The following DISP2 variants were observed in gnomAD, a reference collection of about 807,000 sequenced individuals.
The protein encoded by DISP2 is protein dispatched homolog 2.
In DISP2, 59 loss-of-function variants were observed where a neutral mutation model predicts 95.5. That is an observed-to-expected ratio of 0.62 (90% confidence interval 0.50 to 0.77). The LOEUF (loss-of-function observed/expected upper bound fraction) is 0.77. Ranked by LOEUF, DISP2 falls within the 30% of genes least tolerant of loss-of-function variation. The pLI is 0.00. For missense variants in DISP2, 1,752 were observed against 1,854.6 expected (o/e 0.94, Z 1.02); for synonymous variants, 827 against 815.0 (o/e 1.01, Z -0.25).
rs1889551673 is a variant in DISP2, at chr15:40,368,322, G to A, written c.2210G>A (p.Gly737Asp). The A allele has an allele frequency of 1.9e-6, 3 of 1,603,796 alleles. No homozygotes were observed. Among genetic ancestry groups the A allele is most frequent in the Non-Finnish European group, 2.5e-6 (3 of 1,176,782 alleles). Reference sequence around the variant, plus strand: ...CTGCCCACGCTGCCGCCGCCCGGCGGCCAGGTCTTCCGGCCCAGCCACCCC... The same window carrying A: ...CTGCCCACGCTGCCGCCGCCCGGCGACCAGGTCTTCCGGCCCAGCCACCCC... ...LRLPTLPPPG[G>D]QVFRPSHPFE... The change falls in exon 8 of 8, where the codon GGC (glycine) becomes GAC (aspartate). Residue 737 changes from glycine (G) to aspartate (D), a missense_variant. Physicochemically the swap from Gly to Asp is moderately conservative, Grantham distance 94. Transcript: ENST00000267889.
At chr15:40,364,749 C>T (rs765444543) in intron 4 of DISP2, 89 bp from the exon 5 acceptor site, 238 of 1,439,326 alleles carry the variant, frequency 1.7e-4, no homozygotes, top group Non-Finnish European at 2.2e-4. Flanking sequence ...CTTCCCTGCT[C>T]TGAGGAGTCA....
At chr15:40,362,139 T>C (rs1889415394) in intron 1 of DISP2, among the ~76,000 whole-genome samples, 1 of 152,204 alleles carries the variant, frequency 6.6e-6, no homozygotes, top group South Asian at 2.1e-4. Flanking sequence ...GACAAGTTCC[T>C]TGGGGTGAGG....
At chr15:40,364,141 C>T (rs1181626830) in intron 2 of DISP2, 85 bp from the exon 3 acceptor site, 17 of 1,590,310 alleles carry the variant, frequency 1.1e-5, no homozygotes, top group Non-Finnish European at 2.6e-6. Flanking sequence ...CCCTCACCTA[C>T]CCACTCCCAC....
At position 40,370,597 on chromosome 15, in the gene DISP2, C is replaced by T. The variant is rs1194316640; in HGVS notation, c.*279C>T. On this transcript the variant is annotated 3_prime_UTR_variant, in exon 8 of 8. Transcript: ENST00000267889. ...CACAGCACCATCTAAGACCCCTCCT[C>T]TAGAAGTGGGGAAGGCCAGATGTGT... 1 of 647,384 alleles carries T rather than the reference C, an allele frequency of 1.5e-6. No homozygotes were observed. The highest frequency in any genetic ancestry group is 2.8e-6 in the Non-Finnish European group (1 of 353,416). The allele number at this position is 647,384 out of a possible 1,614,324, so 40.1% of individuals were successfully genotyped here. A position where few individuals can be genotyped will look rare whatever the true frequency, so the allele number is the denominator to read the frequency against.
At position 40,368,484 on chromosome 15, in the gene DISP2, G is replaced by A. The variant is rs1465849395; in HGVS notation, c.2372G>A (p.Ser791Asn). The change falls in exon 8 of 8, where the codon AGC becomes AAC. Residue 791 changes from serine to asparagine, a missense_variant. Physicochemically the swap from Ser to Asn is conservative, Grantham distance 46. This residue lies in a region of DISP2 where 732 missense variants were observed against 714.6 expected (regional missense o/e 1.02). Transcript: ENST00000267889. ...ACTGGCGACCCTCTGGACCCTCGTA[G>A]CAACAGCAGCCTGGTGAGGGACCCT... Reference protein sequence around the residue: ...VDTGDPLDPRSNSSLVRDPAF... With the variant: ...VDTGDPLDPRNNSSLVRDPAF... The A allele has an allele frequency of 6.2e-7, 1 of 1,608,748 alleles. No individual in the cohort carries two copies.
rs749862096 is a variant in DISP2, at chr15:40,369,415, C to T, written c.3303C>T (p.Gly1101=). ...TGATGGTCAAATGCGTCAGTTGTGG[C>T]TTTGCCAGCTTCTTCTTCCAATCTC... is the stretch of plus-strand genomic sequence containing the variant. The part of the protein sequence containing the change: ...ILMMVKCVSC[G]FASFFFQSLC... Residue 1101 remains glycine, a synonymous_variant, in exon 8 of 8, where the codon GGC becomes GGT. Coordinates refer to ENST00000267889, the MANE Select transcript of DISP2 (RefSeq NM_033510.3). 3 of 1,613,576 alleles carry T rather than the reference C, an allele frequency of 1.9e-6. No homozygotes were observed. In the Admixed American group the frequency reaches 5.0e-5, roughly 27 times the overall value.
In DISP2 at chr15:40,367,241, A is replaced by G; in HGVS notation, c.1129A>G (p.Ser377Gly). Residue 377 changes from serine (S) to glycine (G), a missense_variant, in exon 8 of 8, where the codon AGT becomes GGT. Transcript: ENST00000267889. ...TCGGACCTGTGCCCTCTACTACCACAGTGGCGCCTTGGTGCCCTCTTGTCT... is the reference window on the plus strand; with the variant it reads ...TCGGACCTGTGCCCTCTACTACCACGGTGGCGCCTTGGTGCCCTCTTGTCT... ...LLRTCALYYH[S>G]GALVPSCLGP... 6.2e-7 allele frequency: 1 copy of G among 1,613,920 alleles called. No individual in the cohort carries two copies. Among genetic ancestry groups the G allele is most frequent in the Non-Finnish European group, 8.5e-7 (1 of 1,179,972 alleles).
rs1471368511 is a variant in DISP2, at chr15:40,367,989, T to C, written c.1877T>C (p.Val626Ala). Residue 626 changes from valine (V) to alanine (A), a missense_variant, in exon 8 of 8, where the codon GTG becomes GCG. By Grantham distance (64) the Val-to-Ala change is moderately conservative. Around this residue, in one of 5 missense-constraint regions of DISP2, gnomAD observed 732 missense variants for 714.6 expected, o/e 1.02. Coordinates refer to ENST00000267889, the MANE Select transcript of DISP2 (RefSeq NM_033510.3). ...CTCGCCCTCTTCATGGGCACGGCTGTGCTGGTGCACCTGGCGCTCACGCTG... is the reference window on the plus strand; with the variant it reads ...CTCGCCCTCTTCATGGGCACGGCTGCGCTGGTGCACCTGGCGCTCACGCTG... ...RCLALFMGTA[V>A]LVHLALTLVW... 1.9e-6 allele frequency: 3 copies of C among 1,549,110 alleles called. No individual in the cohort carries two copies. Among genetic ancestry groups the C allele is most frequent in the Non-Finnish European group, 1.7e-6 (2 of 1,154,636 alleles).
chr15:40,369,253 C>A lies in DISP2; in HGVS notation c.3141C>A (p.Asp1047Glu). 1 of 1,613,896 alleles carries A rather than the reference C, an allele frequency of 6.2e-7. No homozygotes were observed. Among genetic ancestry groups the A allele is most frequent in the Non-Finnish European group, 8.5e-7 (1 of 1,180,042 alleles). The part of the protein sequence containing the change: ...CISYHLCPHP[D>E]RLSRVAFSLR... The stretch of plus-strand genomic sequence containing the variant: ...CCTATCACCTGTGCCCACACCCTGA[C>A]CGCCTGAGCCGTGTGGCCTTCTCTC... The change falls in exon 8 of 8, where the codon GAC (aspartate) becomes GAA (glutamate). Residue 1047 changes from aspartate (D) to glutamate (E), a missense_variant. Around this residue, in one of 5 missense-constraint regions of DISP2, gnomAD observed 317 missense variants for 394.9 expected, o/e 0.80. Coordinates refer to ENST00000267889, the MANE Select transcript of DISP2 (RefSeq NM_033510.3).
rs760524317 is a variant in DISP2 at position 40,368,638 on chromosome 15, G to A, written c.2526G>A (p.Gln842=). 1 of 1,609,544 alleles carries A rather than the reference G, an allele frequency of 6.2e-7. No homozygotes were observed. Among genetic ancestry groups the A allele is most frequent in the African/African-American group, 1.3e-5 (1 of 75,066 alleles). Residue 842 remains glutamine (Q), a synonymous_variant, in exon 8 of 8, where the codon CAG becomes CAA. Transcript: ENST00000267889. The part of the protein sequence containing the change: ...WPTLCFVETL[Q]RWMESPSCAR... The stretch of plus-strand genomic sequence containing the variant: ...CGCTGTGTTTCGTGGAGACCCTCCA[G>A]CGCTGGATGGAGAGCCCCAGCTGCG...
intron 1 of DISP2, among the ~76,000 whole-genome samples, chr15:40,358,720 T>TGC: frequency 6.6e-6 from 1 of 151,882 alleles, no homozygotes; most frequent in East Asian, 1.9e-4. Flanking sequence ...AGGCCAGGAC[T>TGC]CCCTGGCTCC....
At chr15:40,362,595 CTATAA>C (rs1490532749) in intron 1 of DISP2, among the ~76,000 whole-genome samples, 1 of 152,150 alleles carries the variant, frequency 6.6e-6, no homozygotes, top group Non-Finnish European at 1.5e-5. Context: ...CATAACGACT[CTATAA>C]TATAATATTC....
rs2141265157 is a variant in DISP2, at chr15:40,372,219, C to T, written c.*1901C>T. ...GCCTCTCCGGGTATCTGGGGAACCC[C>T]TCCGGCTCCTGGCAGCTTCACAGAA... On this transcript the variant is annotated 3_prime_UTR_variant, in exon 8 of 8. Coordinates refer to ENST00000267889, the MANE Select transcript of DISP2 (RefSeq NM_033510.3). 1 of 152,294 alleles carries T rather than the reference C, an allele frequency of 6.6e-6. No individual in the cohort carries two copies. The highest frequency in any genetic ancestry group is 2.1e-4 in the South Asian group (1 of 4,820). The allele number at this position is 152,294 out of a possible 1,614,324, so 9.4% of individuals were successfully genotyped here. A position where few individuals can be genotyped will look rare whatever the true frequency, so the allele number is the denominator to read the frequency against.
rs1325212405 is a variant in DISP2 at position 40,372,528 on chromosome 15, G to A, written c.*2210G>A. ...CTTTGCAAGATAAGTAAATCAAGAT[G>A]AGTAACTCCTGACACCAGGAAGGGG... On this transcript the variant is annotated 3_prime_UTR_variant, in exon 8 of 8. Coordinates refer to ENST00000267889, the MANE Select transcript of DISP2 (RefSeq NM_033510.3). The A allele has an allele frequency of 6.6e-6, 1 of 152,192 alleles. No individual in the cohort carries two copies. The highest frequency in any genetic ancestry group is 1.9e-4 in the East Asian group (1 of 5,198). The allele number at this position is 152,192 out of a possible 1,614,324, so 9.4% of individuals were successfully genotyped here. A position where few individuals can be genotyped will look rare whatever the true frequency, so the allele number is the denominator to read the frequency against.
In DISP2 at chr15:40,363,883, T is replaced by C; in HGVS notation, c.378T>C (p.Pro126=). The stretch of plus-strand genomic sequence containing the variant: ...GCTCCCACGGCTCCAGCCTCAGCCC[T>C]TCTCCAGCCCCCTCACAGCGCGATG... The part of the protein sequence containing the change: ...ALCSHGSSLS[P]SPAPSQRDGT... The change falls in exon 2 of 8, where the codon CCT becomes CCC. Residue 126 remains proline (P), a synonymous_variant. Coordinates refer to ENST00000267889, the MANE Select transcript of DISP2 (RefSeq NM_033510.3). 1 of 1,589,122 alleles carries C rather than the reference T, an allele frequency of 6.3e-7. No homozygotes were observed. Among genetic ancestry groups the C allele is most frequent in the Non-Finnish European group, 8.6e-7 (1 of 1,165,204 alleles).
Position 40,370,416 on chromosome 15 carries a change from C to T in DISP2, c.*98C>T. The T allele has an allele frequency of 6.7e-7, 1 of 1,483,116 alleles. No homozygotes were observed. The highest frequency in any genetic ancestry group is 8.9e-7 in the Non-Finnish European group (1 of 1,119,812). 91.9% of individuals were successfully genotyped at this position (1,483,116 alleles called of 1,614,324 possible). On this transcript the variant is annotated 3_prime_UTR_variant, in exon 8 of 8. Transcript: ENST00000267889. ...GAGCCCGAAGGTATTTCTCCAGATC[C>T]ACAGGGAGAGGTCTCACCCTCCAGC...
In DISP2 at chr15:40,367,653, T is replaced by G. The variant is rs1203742754; in HGVS notation, c.1541T>G (p.Leu514Arg). 3 of 1,613,900 alleles carry G rather than the reference T, an allele frequency of 1.9e-6. No individual in the cohort carries two copies. Among genetic ancestry groups the G allele is most frequent in the Non-Finnish European group, 2.5e-6 (3 of 1,180,018 alleles). ...TACCTGCGCTCACTCTTCCTCACGC[T>G]CATGGTGCTGCTGGGGGTGCTGGGC... ...ALYLRSLFLTLMVLLGVLGSL... is the reference protein window; with the variant it reads ...ALYLRSLFLTRMVLLGVLGSL... The change falls in exon 8 of 8, where the codon CTC becomes CGC. Residue 514 changes from leucine (L) to arginine (R), a missense_variant. Coordinates refer to ENST00000267889, the MANE Select transcript of DISP2 (RefSeq NM_033510.3).
In DISP2 at chr15:40,369,716, C is replaced by G. The variant is rs745324535; in HGVS notation, c.3604C>G (p.Pro1202Ala). 4 of 1,611,120 alleles carry G rather than the reference C, an allele frequency of 2.5e-6. No homozygotes were observed. The Admixed American group carries it at 6.7e-5, about 27-fold the overall frequency. ...TGAGGATCTGCAGCTCCATGATGGT[C>G]CGTGCTGTTCCCGGCCCCCACCAGC... is the stretch of plus-strand genomic sequence containing the variant. The part of the protein sequence containing the change: ...LSEDLQLHDG[P>A]CCSRPPPAPA... The change falls in exon 8 of 8, where the codon CCG (proline) becomes GCG (alanine). Residue 1202 changes from proline (P) to alanine (A), a missense_variant. This residue lies in a region of DISP2 where 347 missense variants were observed against 344.2 expected (regional missense o/e 1.01). Coordinates refer to ENST00000267889, the MANE Select transcript of DISP2 (RefSeq NM_033510.3).
At chr15:40,364,738 C>A (rs1006627431) in intron 4 of DISP2, 100 bp from the exon 5 acceptor site, 7 of 1,402,546 alleles carry the variant, frequency 5.0e-6, no homozygotes, top group Non-Finnish European at 6.8e-6. Flanking sequence ...GGCGGGCTGG[C>A]CTTCCCTGCT....
Sources: allele counts gnomAD v4.1 joint callset (sites outside exome capture counted in the v4.1 genomes callset), GRCh38; gene constraint gnomAD v4.1.1; regional missense constraint gnomAD v4.1.1; transcripts MANE v1.5; gene names NCBI Gene and HGNC (gene_info 2026-07-23, HGNC 2026-07-21).